The following PCDHGA3 variants were observed in gnomAD, a reference collection of about 807,000 sequenced individuals.
PCDHGA3 encodes the protein protocadherin gamma-A3.
A neutral mutation model predicts 58.5 loss-of-function variants in PCDHGA3; 40 were observed. The ratio of observed to expected loss-of-function variants is 0.68; its 90% CI spans 0.53 to 0.89. PCDHGA3 has a LOEUF of 0.89. Among genes scored for constraint, PCDHGA3 ranks in the 40% least tolerant of loss-of-function variants. The probability of loss-of-function intolerance (pLI) is 0.00; values close to 1 mark genes in which losing one functional copy is unlikely to be tolerated. For missense variants in PCDHGA3, 1,223 were observed against 1,195.9 expected, an observed-to-expected ratio of 1.02 and a Z score of -0.33; for synonymous variants, 530 against 525.7, an observed-to-expected ratio of 1.01 and a Z score of -0.11.
intron 1 of PCDHGA3, chr5:141,351,894 G>A (rs146243220): frequency 6.2e-7 from 1 of 1,613,426 alleles, no homozygotes; most frequent in Non-Finnish European, 8.5e-7. Flanking sequence ...GTGAGCCTGC[G>A]CGTGTTGGTG....
At chr5:141,362,890 A>T (rs933124427) in intron 1 of PCDHGA3, among the ~76,000 whole-genome samples, 2 of 152,196 alleles carry the variant, frequency 1.3e-5, no homozygotes, top group African/African-American at 4.8e-5. Context: ...TTTTAGTTTT[A>T]CTTCCTCTTA....
intron 1 of PCDHGA3, chr5:141,409,073 A>G (rs200127436): frequency 6.2e-7 from 1 of 1,613,866 alleles, no homozygotes. Context: ...CACAAAACAT[A>G]TGTTCTCATT....
chr5:141,433,850 A>C (rs899643386), intron 1 of PCDHGA3, among the ~76,000 whole-genome samples: 2 of 151,896 alleles, frequency 1.3e-5, no homozygotes, highest in East Asian at 3.9e-4. Flanking sequence ...AAAAAAAAAA[A>C]AAAAACTTTA....
chr5:141,425,119 T>G (rs1234720658), intron 1 of PCDHGA3, among the ~76,000 whole-genome samples: 1 of 152,220 alleles, frequency 6.6e-6, no homozygotes, highest in Non-Finnish European at 1.5e-5. Context: ...ACATTTTTCT[T>G]GAAGTCAAGA....
chr5:141,465,019 G>T (rs533151051), intron 1 of PCDHGA3, among the ~76,000 whole-genome samples: 1 of 151,978 alleles, frequency 6.6e-6, no homozygotes, highest in Non-Finnish European at 1.5e-5. Context: ...TAAGATTACA[G>T]CCATGAACCA....
chr5:141,376,002 A>G, intron 1 of PCDHGA3: 6 of 1,613,478 alleles, frequency 3.7e-6, no homozygotes, highest in Non-Finnish European at 5.1e-6. Flanking sequence ...GCGCTCAAGC[A>G]GAGCCTAGTG....
chr5:141,366,388 T>G, intron 1 of PCDHGA3: 5 of 1,614,152 alleles, frequency 3.1e-6, no homozygotes, highest in Non-Finnish European at 4.2e-6. Context: ...ACCCTGAGGA[T>G]CTGGACCTCA....
At chr5:141,443,317 C>CA (rs35054295) in intron 1 of PCDHGA3, among the ~76,000 whole-genome samples, 76,100 of 141,790 alleles carry the variant, frequency 0.54, 21,234 homozygotes, top group African/African-American at 0.75. Flanking sequence ...CCCATCTCTA[C>CA]AAAAAAAAAA....
chr5:141,454,172 C>T (rs1001368287), intron 1 of PCDHGA3, among the ~76,000 whole-genome samples: 4 of 152,126 alleles, frequency 2.6e-5, no homozygotes, highest in Non-Finnish European at 5.9e-5. Context: ...TCTAGAAGGG[C>T]AGCTAAAGGA....
At chr5:141,403,591 G>C in intron 1 of PCDHGA3, 2 of 1,613,836 alleles carry the variant, frequency 1.2e-6, no homozygotes, top group South Asian at 1.1e-5. Flanking sequence ...TGGTCCTCAC[G>C]GCCTCGGATG....
At chr5:141,404,812 GC>G in intron 1 of PCDHGA3, 1 of 1,611,168 alleles carries the variant, frequency 6.2e-7, no homozygotes, top group African/African-American at 1.4e-5. Context: ...TCTCGGTGGG[GC>G]TGCACACAGG....
intron 1 of PCDHGA3, chr5:141,478,541 G>T (rs905837179): frequency 1.2e-6 from 2 of 1,605,590 alleles, no homozygotes; most frequent in Non-Finnish European, 1.7e-6. Flanking sequence ...CGCCCCTCCC[G>T]GACAGGTAAG....
chr5:141,506,435 G>T (rs1470687416), intron 3 of PCDHGA3, among the ~76,000 whole-genome samples: 1 of 126,234 alleles, frequency 7.9e-6, no homozygotes, highest in Non-Finnish European at 1.6e-5. Context: ...CAACAGTCTC[G>T]CTCTGTCTCA....
At chr5:141,356,957 A>G (rs773071965) in intron 1 of PCDHGA3, 7 of 1,614,206 alleles carry the variant, frequency 4.3e-6, no homozygotes, top group Non-Finnish European at 5.9e-6. Context: ...GATTCCGGCT[A>G]CCTGGTGACC....
chr5:141,371,658 A>G (rs764550191), intron 1 of PCDHGA3: 3 of 1,614,038 alleles, frequency 1.9e-6, no homozygotes, highest in Non-Finnish European at 1.7e-6. Flanking sequence ...CAATGTGACG[A>G]TCACAGCTAC....
rs770685748 is a variant in PCDHGA3 at position 141,486,601 on chromosome 5, C to T, written c.2425-8206C>T. 9 of 1,613,558 alleles carry T rather than the reference C, an allele frequency of 5.6e-6. No homozygotes were observed. The highest frequency in any genetic ancestry group is 7.6e-6 in the Non-Finnish European group (9 of 1,180,024). On this transcript the variant is annotated intron_variant, in intron 1 of 3. Transcript: ENST00000253812. This position sits in a 1 kb window ranked among gnomAD's most constrained non-coding sequence, Gnocchi z 5.0. ...ATCGCCCAGGGGACCTGCTTTGCTC[C>T]CTTGCAGCCTCTGACCCAGACTCTG...
At chr5:141,374,838 C>G (rs772961429) in intron 1 of PCDHGA3, 7 of 1,613,846 alleles carry the variant, frequency 4.3e-6, no homozygotes, top group Non-Finnish European at 5.9e-6. Context: ...GTAAGTGTTC[C>G]TGAAAACCTG....
intron 3 of PCDHGA3, among the ~76,000 whole-genome samples, chr5:141,506,012 T>C (rs2099850012): frequency 6.6e-6 from 1 of 152,208 alleles, no homozygotes; most frequent in Non-Finnish European, 1.5e-5. Context: ...CCTCTTTTGC[T>C]GCCCCTAACT....
Position 141,422,492 on chromosome 5 carries a change from C to T in PCDHGA3, c.2425-72315C>T, listed in dbSNP as rs747903569. 2.5e-6 allele frequency: 4 copies of T among 1,613,934 alleles called. No homozygotes were observed. The East Asian group carries it at 6.7e-5, about 27-fold the overall frequency. ...GAGTTGGTCCAGAGCTACAATATAA[C>T]GTTGACAGCCACAGACCAGGGAAGC... On this transcript the variant is annotated intron_variant, in intron 1 of 3. Coordinates refer to ENST00000253812, the MANE Select transcript of PCDHGA3 (RefSeq NM_018916.4).
Sources: gnomAD v4.1 joint callset for allele counts (sites outside exome capture counted in the v4.1 genomes callset) on GRCh38, gnomAD v4.1.1 for gene constraint, Gnocchi (gnomAD v3.1) non-coding constraint, MANE v1.5 for transcripts, NCBI Gene and HGNC (gene_info 2026-07-23, HGNC 2026-07-21) for gene names.